Variants in NRG3 observed in about 807,000 individuals in gnomAD.
The protein encoded by NRG3 is pro-neuregulin-3, membrane-bound isoform.
A neutral mutation model predicts 66.9 loss-of-function variants in NRG3; 31 were observed. The ratio of observed to expected loss-of-function variants is 0.46; its 90% CI spans 0.35 to 0.63. The LOEUF (loss-of-function observed/expected upper bound fraction) is 0.63, where lower values mean the gene tolerates loss of function less well. NRG3 is among the 20% of genes least tolerant of loss of function. NRG3 has a pLI of 0.00. For synonymous variants in NRG3, 393 were observed against 359.4 expected (o/e 1.09, Z -1.06); for missense variants, 910 against 878.9 (o/e 1.04, Z -0.45).
intron 2 of NRG3, among the ~76,000 whole-genome samples, chr10:82,700,469 G>T (rs538867957): frequency 3.3e-5 from 5 of 152,146 alleles, no homozygotes; most frequent in Non-Finnish European, 7.4e-5. Context: ...TAAGAATAAA[G>T]AATTTCAAAA....
chr10:82,128,787 G>A (rs915876708), intron 1 of NRG3, among the ~76,000 whole-genome samples: 1 of 151,790 alleles, frequency 6.6e-6, no homozygotes, highest in African/African-American at 2.4e-5. Context: ...TAAGGAATCT[G>A]AATAAACAGA....
intron 1 of NRG3, among the ~76,000 whole-genome samples, chr10:82,165,848 A>G (rs114262656): frequency 0.033 from 5,072 of 152,002 alleles, 273 homozygotes; most frequent in African/African-American, 0.12. Context: ...CAATATTCCA[A>G]CAGACTCAAA....
intron 2 of NRG3, among the ~76,000 whole-genome samples, chr10:82,642,593 T>C (rs1298349666): frequency 6.6e-6 from 1 of 151,016 alleles, no homozygotes; most frequent in Non-Finnish European, 1.5e-5. Flanking sequence ...AATAAGATTG[T>C]AGGGAACTCT....
chr10:82,040,822 T>G (rs543399863), intron 1 of NRG3, among the ~76,000 whole-genome samples: 1 of 152,204 alleles, frequency 6.6e-6, no homozygotes, highest in Non-Finnish European at 1.5e-5. Flanking sequence ...TGCCCCAGTA[T>G]ATGTCAGCAT....
chr10:81,988,784 A>G (rs930731660), intron 1 of NRG3, among the ~76,000 whole-genome samples: 5 of 152,120 alleles, frequency 3.3e-5, no homozygotes, highest in African/African-American at 1.2e-4. Context: ...AGGAGCAGAG[A>G]ACTTGTGGTC....
rs115997973 is a variant in NRG3, at chr10:82,570,396, A to C, written c.954-168181A>C. ...TTACTATTTGATTGATTAGTCAATTAAATATATATTTTTCTCATTGGAGAC... is the reference window on the plus strand; with the variant it reads ...TTACTATTTGATTGATTAGTCAATTCAATATATATTTTTCTCATTGGAGAC... On this transcript the variant is annotated intron_variant, in intron 2 of 8. Transcript: ENST00000372141. Among the ~76,000 whole-genome samples, 1,316 of 151,754 alleles carry C rather than the reference A, an allele frequency of 8.7e-3. 17 individuals carry two copies. The highest frequency in any genetic ancestry group is 0.03 in the African/African-American group (1,231 of 41,496).
intron 3 of NRG3, among the ~76,000 whole-genome samples, chr10:82,864,843 C>A (rs1404853132): frequency 6.6e-6 from 1 of 152,010 alleles, no homozygotes; most frequent in Admixed American, 6.6e-5. Context: ...GATTTTGTAA[C>A]CTATGTAAGA....
At position 82,861,284 on chromosome 10, in the gene NRG3, A is replaced by C. The variant is rs576505851; in HGVS notation, c.1028-4127A>C. Among the ~76,000 whole-genome samples, 6 of 151,976 alleles carry C rather than the reference A, an allele frequency of 3.9e-5. No homozygotes were observed. In the East Asian group the frequency reaches 9.7e-4, roughly 24 times the overall value. On this transcript the variant is annotated intron_variant, in intron 3 of 8. Coordinates refer to ENST00000372141, the MANE Select transcript of NRG3 (RefSeq NM_001010848.4). Reference sequence around the variant, plus strand: ...TGCCATGAATAAGCTATTATAAAAAATTAATAAATAATTTCCCATTAAAAT... The same window carrying C: ...TGCCATGAATAAGCTATTATAAAAACTTAATAAATAATTTCCCATTAAAAT...
chr10:82,163,457 A>G (rs1351150738), intron 1 of NRG3, among the ~76,000 whole-genome samples: 3 of 152,210 alleles, frequency 2.0e-5, no homozygotes, highest in Non-Finnish European at 2.9e-5. Context: ...ACCAACTACA[A>G]TATTGTAAAT....
At chr10:82,536,075 G>C (rs965026246) in intron 2 of NRG3, among the ~76,000 whole-genome samples, 97 of 152,008 alleles carry the variant, frequency 6.4e-4, no homozygotes, top group African/African-American at 2.2e-3. Context: ...TTAGCCGCTG[G>C]GTGTGGTTTG....
rs1215964711 is a variant in NRG3 at position 82,627,244 on chromosome 10, GCCTGACTTCTCCATTTAAATCAC to G, written c.954-111332_954-111310del. On this transcript the variant is annotated intron_variant, in intron 2 of 8. Transcript: ENST00000372141. ...TCTTCAGGGCATGGAGGCTGAAAAT[GCCTGACTTCTCCATTTAAATCAC>G]TTTAAGCAAAACACAGATTATTTAA... Among the ~76,000 whole-genome samples, 9 of 152,214 alleles carry G rather than the reference GCCTGACTTCTCCATTTAAATCAC, an allele frequency of 5.9e-5. No homozygotes were observed. The East Asian group carries it at 1.7e-3, about 30-fold the overall frequency.
intron 2 of NRG3, among the ~76,000 whole-genome samples, chr10:82,454,203 C>A (rs778100899): frequency 6.6e-6 from 1 of 152,204 alleles, no homozygotes; most frequent in Non-Finnish European, 1.5e-5. Context: ...GGAGCCACAA[C>A]TGCCCCACAC....
chr10:82,150,528 C>CAAAAAAAAAAAAAAAAAA (rs1264827514), intron 1 of NRG3, among the ~76,000 whole-genome samples: 2 of 51,738 alleles, frequency 3.9e-5, no homozygotes, highest in African/African-American at 8.6e-5. Context: ...AAAGAGCACA[C>CAAAAAAAAAAAAAAAAAA]ACAAAAAAAA....
chr10:82,449,868 A>C (rs1426032188), intron 2 of NRG3, among the ~76,000 whole-genome samples: 1 of 152,340 alleles, frequency 6.6e-6, no homozygotes, highest in African/African-American at 2.4e-5. Context: ...CAGGGCTGTA[A>C]GAACTCACAG....
intron 3 of NRG3, among the ~76,000 whole-genome samples, chr10:82,778,491 T>G (rs2059991936): frequency 1.3e-5 from 2 of 151,982 alleles, no homozygotes; most frequent in Admixed American, 1.3e-4. Context: ...GCCAGAAGCT[T>G]ATAAAACCAT....
rs1169379496 is a variant in NRG3, at chr10:82,125,396, C to A, written c.824-233343C>A. 2.0e-5 allele frequency among the ~76,000 whole-genome samples: 3 copies of A among 152,048 alleles called. No individual in the cohort carries two copies. The South Asian group carries it at 6.2e-4, about 32-fold the overall frequency. On this transcript the variant is annotated intron_variant, in intron 1 of 8. Transcript: ENST00000372141. ...TATTTTAAATCATTCAGTCTATAAA[C>A]CTGAAATAAAACCTTACTCAATTCT...
At chr10:82,259,541 C>T (rs541700813) in intron 1 of NRG3, among the ~76,000 whole-genome samples, 16 of 152,142 alleles carry the variant, frequency 1.1e-4, no homozygotes, top group Non-Finnish European at 2.4e-4. Flanking sequence ...CAGCCATAGG[C>T]AAACTTAGAA....
intron 1 of NRG3, among the ~76,000 whole-genome samples, chr10:82,005,660 A>G (rs2061350697): frequency 6.6e-6 from 1 of 152,142 alleles, no homozygotes; most frequent in South Asian, 2.1e-4. Flanking sequence ...GGTCATTTTA[A>G]TTTTAAGCTA....
chr10:82,759,342 G>A (rs900997803), intron 3 of NRG3, among the ~76,000 whole-genome samples: 4 of 152,048 alleles, frequency 2.6e-5, no homozygotes, highest in Admixed American at 2.6e-4. Flanking sequence ...AGAATTGTTA[G>A]CCAAATAAAC....
Sources: gnomAD v4.1 joint callset for allele counts (sites outside exome capture counted in the v4.1 genomes callset) on GRCh38, gnomAD v4.1.1 for gene constraint, MANE v1.5 for transcripts, NCBI Gene and HGNC (gene_info 2026-07-23, HGNC 2026-07-21) for gene names.